UBASH3B: variants seen among roughly 807,000 people sequenced by gnomAD.
UBASH3B encodes ubiquitin-associated and SH3 domain-containing protein B.
Under a neutral mutation model 83.4 loss-of-function variants are expected in UBASH3B, and 37 were observed. That is an observed-to-expected ratio of 0.44 (90% CI 0.34 to 0.58). The LOEUF is 0.58. Ranked by LOEUF, UBASH3B falls within the 20% of genes least tolerant of loss-of-function variation. The probability of loss-of-function intolerance (pLI) is 0.01; values close to 1 mark genes in which losing one functional copy is unlikely to be tolerated. For synonymous variants in UBASH3B, 304 were observed against 318.3 expected (o/e 0.96, Z 0.48); for missense variants, 657 against 827.2 (o/e 0.79, Z 2.52).
rs775429427 is a variant in UBASH3B at position 122,759,907 on chromosome 11, C to T, written c.162-16312C>T. On this transcript the variant is annotated intron_variant, in intron 1 of 13. Coordinates refer to ENST00000284273, the MANE Select transcript of UBASH3B (RefSeq NM_032873.5). The surrounding 1 kb of genome is among the most constrained non-coding windows in gnomAD (Gnocchi z 4.1). Reference sequence around the variant, plus strand: ...TGGAATAGCACAAGTGATTCCATCACCTTTGCCATATAGAGGTAAGTCATA... The same window carrying T: ...TGGAATAGCACAAGTGATTCCATCATCTTTGCCATATAGAGGTAAGTCATA... Among the ~76,000 whole-genome samples the T allele has an allele frequency of 7.9e-5, 12 of 152,182 alleles. No homozygotes were observed. The highest frequency in any genetic ancestry group is 1.3e-4 in the Admixed American group (2 of 15,282).
chr11:122,681,390 T>TG (rs1359599435), intron 1 of UBASH3B, among the ~76,000 whole-genome samples: 1 of 152,116 alleles, frequency 6.6e-6, no homozygotes, highest in Admixed American at 6.6e-5. Context: ...ACAGAGGAAA[T>TG]GGAGTTTTGC....
chr11:122,687,545 A>G (rs899158043), intron 1 of UBASH3B, among the ~76,000 whole-genome samples: 5 of 152,044 alleles, frequency 3.3e-5, no homozygotes, highest in Non-Finnish European at 7.4e-5. Context: ...GTGAGGAGGG[A>G]CCACGAGAAA....
intron 1 of UBASH3B, among the ~76,000 whole-genome samples, chr11:122,757,308 T>A (rs1025824616): frequency 6.6e-6 from 1 of 152,058 alleles, no homozygotes; most frequent in Non-Finnish European, 1.5e-5. Flanking sequence ...GAGAGCTCTC[T>A]CCCCTTCTTT....
At chr11:122,769,345 G>A (rs1860604873) in intron 1 of UBASH3B, among the ~76,000 whole-genome samples, 2 of 152,074 alleles carry the variant, frequency 1.3e-5, no homozygotes, top group Admixed American at 1.3e-4. Context: ...TGATCCAAAC[G>A]CCTCCCACCA....
At chr11:122,659,407 G>A (rs138075760) in intron 1 of UBASH3B, among the ~76,000 whole-genome samples, 3 of 152,130 alleles carry the variant, frequency 2.0e-5, no homozygotes, top group African/African-American at 7.2e-5. Flanking sequence ...GGGAGTGAAG[G>A]TCCTGGAGGT....
At chr11:122,777,927 A>G (rs1293274717) in intron 3 of UBASH3B, among the ~76,000 whole-genome samples, 3 of 152,042 alleles carry the variant, frequency 2.0e-5, no homozygotes, top group Admixed American at 6.5e-5. Context: ...ACGGGGTTTC[A>G]CCATGTTGGC....
intron 1 of UBASH3B, among the ~76,000 whole-genome samples, chr11:122,698,872 T>C (rs556589837): frequency 6.2e-4 from 94 of 152,274 alleles, no homozygotes; most frequent in African/African-American, 1.7e-3. Context: ...TTATTTGAGA[T>C]GGAGTTTTGC....
intron 1 of UBASH3B, among the ~76,000 whole-genome samples, chr11:122,755,350 C>T (rs553790683): frequency 1.3e-5 from 2 of 152,234 alleles, no homozygotes; most frequent in East Asian, 3.9e-4. Context: ...AGCAGTTGGC[C>T]TTTTGGCTTA....
intron 5 of UBASH3B, 90 bp downstream of exon 5, chr11:122,783,312 A>G: frequency 2.0e-6 from 3 of 1,469,590 alleles, no homozygotes; most frequent in Non-Finnish European, 2.8e-6. Flanking sequence ...GGGTACCTAC[A>G]GGGGAAAAAT....
At chr11:122,802,555 G>C (rs116460885) in intron 11 of UBASH3B, among the ~76,000 whole-genome samples, 1,735 of 152,136 alleles carry the variant, frequency 0.011, 32 homozygotes, top group African/African-American at 0.04. Flanking sequence ...CCACATTAAA[G>C]CAATGTGCAT....
chr11:122,808,323 AGTGATACTCT>A (rs1345195475), intron 13 of UBASH3B, 147 bp downstream of exon 13: 5 of 736,674 alleles, frequency 6.8e-6, no homozygotes, highest in Non-Finnish European at 1.2e-5. Flanking sequence ...AGATGTATTG[AGTGATACTCT>A]GTGCAGGGCA....
chr11:122,736,116 C>T (rs751045284), intron 1 of UBASH3B, among the ~76,000 whole-genome samples: 2 of 152,144 alleles, frequency 1.3e-5, no homozygotes, highest in Non-Finnish European at 2.9e-5. Context: ...GCAGTTCAGC[C>T]TCATTTAGGA....
At chr11:122,717,777 C>T (rs1557456) in intron 1 of UBASH3B, among the ~76,000 whole-genome samples, 115,873 of 151,982 alleles carry the variant, frequency 0.76, 44,348 homozygotes, top group Admixed American at 0.82. Flanking sequence ...ACAGGGGGCC[C>T]GGTCAACCAC....
intron 1 of UBASH3B, among the ~76,000 whole-genome samples, chr11:122,754,663 T>TC (rs1861255003): frequency 6.6e-6 from 1 of 152,182 alleles, no homozygotes; most frequent in African/African-American, 2.4e-5. Flanking sequence ...AGGCTGTTCT[T>TC]CATCATCAGC....
chr11:122,766,698 G>A (rs1172332837), intron 1 of UBASH3B, among the ~76,000 whole-genome samples: 1 of 152,162 alleles, frequency 6.6e-6, no homozygotes, highest in East Asian at 1.9e-4. Flanking sequence ...AGCCAAGATC[G>A]TGCCACTGAA....
At chr11:122,683,755 G>T (rs1393996260) in intron 1 of UBASH3B, among the ~76,000 whole-genome samples, 1 of 72,860 alleles carries the variant, frequency 1.4e-5, no homozygotes, top group African/African-American at 2.9e-5. Context: ...GTGTGTGTGT[G>T]TGTGTGTGTG....
chr11:122,727,232 C>CTT (rs1860757556), intron 1 of UBASH3B, among the ~76,000 whole-genome samples: 1 of 152,190 alleles, frequency 6.6e-6, no homozygotes, highest in Non-Finnish European at 1.5e-5. Context: ...TTTCGTTTTT[C>CTT]TTTTTTCTTC....
At chr11:122,694,696 A>C (rs984480033) in intron 1 of UBASH3B, among the ~76,000 whole-genome samples, 1 of 152,168 alleles carries the variant, frequency 6.6e-6, no homozygotes, top group African/African-American at 2.4e-5. Flanking sequence ...TGTTATTGAT[A>C]ATCGGAAGCC....
chr11:122,679,448 C>T (rs1229775000), intron 1 of UBASH3B, among the ~76,000 whole-genome samples: 1 of 152,210 alleles, frequency 6.6e-6, no homozygotes, highest in Non-Finnish European at 1.5e-5. Flanking sequence ...GGTCCTCAGA[C>T]CAGCCCTTTT....
Sources: allele counts gnomAD v4.1 joint callset (sites outside exome capture counted in the v4.1 genomes callset), GRCh38; gene constraint gnomAD v4.1.1; non-coding constraint Gnocchi (gnomAD v3.1); transcripts MANE v1.5; gene names NCBI Gene and HGNC (gene_info 2026-07-23, HGNC 2026-07-21).